ZFPM2: variants seen among roughly 807,000 people sequenced by gnomAD.
ZFPM2 encodes the protein zinc finger protein ZFPM2.
Under a neutral mutation model 98.6 loss-of-function variants are expected in ZFPM2, and 20 were observed. The observed-to-expected ratio is 0.20, with a 90% confidence interval of 0.14 to 0.29. The LOEUF (loss-of-function observed/expected upper bound fraction) is 0.29. ZFPM2 is among the 10% of genes least tolerant of loss of function. The pLI is 1.00. For missense variants in ZFPM2, 1,310 were observed against 1,388.6 expected (o/e 0.94, Z 0.90); for synonymous variants, 518 against 502.7 (o/e 1.03, Z -0.41).
intron 1 of ZFPM2, among the ~76,000 whole-genome samples, chr8:105,416,401 A>C (rs1458124180): frequency 3.3e-5 from 5 of 151,804 alleles, no homozygotes; most frequent in Non-Finnish European, 7.4e-5. Flanking sequence ...CTATGTCTAG[A>C]ATTTCATTTT....
chr8:105,561,509 A>C, intron 4 of ZFPM2, 28 bp downstream of exon 4: 1 of 1,531,636 alleles, frequency 6.5e-7, no homozygotes, highest in South Asian at 1.2e-5. Flanking sequence ...GATGGTTAAT[A>C]TTTTGTCATC....
intron 3 of ZFPM2, among the ~76,000 whole-genome samples, chr8:105,461,168 A>G (rs1165595460): frequency 1.3e-5 from 2 of 152,086 alleles, no homozygotes; most frequent in East Asian, 1.9e-4. Context: ...CATGATTAAT[A>G]TATAGTGGAA....
intron 4 of ZFPM2, among the ~76,000 whole-genome samples, chr8:105,592,721 C>G (rs1443896671): frequency 2.6e-5 from 4 of 152,084 alleles, no homozygotes; most frequent in Admixed American, 2.0e-4. Flanking sequence ...GTGCTATTAT[C>G]ACTGAAATGT....
chr8:105,756,399 T>G (rs1586242216), intron 5 of ZFPM2, among the ~76,000 whole-genome samples: 1 of 152,176 alleles, frequency 6.6e-6, no homozygotes, highest in Admixed American at 6.5e-5. Flanking sequence ...CTGGCTTGGA[T>G]AGCTTTAATG....
intron 3 of ZFPM2, among the ~76,000 whole-genome samples, chr8:105,444,720 T>G (rs1355133232): frequency 6.6e-6 from 1 of 152,132 alleles, no homozygotes; most frequent in Non-Finnish European, 1.5e-5. Context: ...CAAGAAACAG[T>G]ACTTCAAAGA....
At chr8:105,467,375 C>T (rs1463386584) in intron 3 of ZFPM2, among the ~76,000 whole-genome samples, 2 of 152,064 alleles carry the variant, frequency 1.3e-5, no homozygotes, top group African/African-American at 2.4e-5. Context: ...TAAAAGGACA[C>T]ACAAGATACT....
intron 5 of ZFPM2, among the ~76,000 whole-genome samples, chr8:105,724,036 C>A (rs1811739816): frequency 6.6e-6 from 1 of 151,708 alleles, no homozygotes; most frequent in Admixed American, 6.6e-5. Context: ...CCTTTGCTGG[C>A]ATTAAAGTTT....
intron 2 of ZFPM2, among the ~76,000 whole-genome samples, chr8:105,428,204 A>ACT (rs1264273042): frequency 6.6e-6 from 1 of 152,238 alleles, no homozygotes; most frequent in African/African-American, 2.4e-5. Flanking sequence ...CACTTTTTCA[A>ACT]GGTATTTTTT....
rs749962231 is a variant in ZFPM2 at position 105,802,680 on chromosome 8, A to C, written c.2598A>C (p.Val866=). 1 of 1,611,116 alleles carries C rather than the reference A, an allele frequency of 6.2e-7. No homozygotes were observed. The highest frequency in any genetic ancestry group is 1.3e-5 in the African/African-American group (1 of 74,884). The change falls in exon 8 of 8, where the codon GTA becomes GTC. Residue 866 remains valine, a synonymous_variant. Coordinates refer to ENST00000407775, the MANE Select transcript of ZFPM2 (RefSeq NM_012082.4). ...CTVCKISFNK[V]ENYLAHKQNF... Reference sequence around the variant, plus strand: ...TGTGCAAGATCAGTTTCAATAAGGTAGAAAACTATCTGGCCCACAAGCAGA... The same window carrying C: ...TGTGCAAGATCAGTTTCAATAAGGTCGAAAACTATCTGGCCCACAAGCAGA...
chr8:105,525,658 A>T (rs896839449), intron 3 of ZFPM2, among the ~76,000 whole-genome samples: 3 of 152,188 alleles, frequency 2.0e-5, no homozygotes, highest in Non-Finnish European at 4.4e-5. Context: ...GTAAGATTAA[A>T]TTGATTTTGT....
chr8:105,619,984 A>G (rs1469483440), intron 4 of ZFPM2, among the ~76,000 whole-genome samples: 1 of 152,200 alleles, frequency 6.6e-6, no homozygotes, highest in Non-Finnish European at 1.5e-5. Flanking sequence ...TAGTGCTGCA[A>G]TAAATATACG....
chr8:105,362,576 A>G (rs1810425717), intron 1 of ZFPM2, among the ~76,000 whole-genome samples: 1 of 152,116 alleles, frequency 6.6e-6, no homozygotes, highest in African/African-American at 2.4e-5. Context: ...TTTTATTGAC[A>G]TTACTCAAGT....
intron 2 of ZFPM2, among the ~76,000 whole-genome samples, chr8:105,436,481 C>T (rs1812121442): frequency 6.8e-6 from 1 of 147,704 alleles, no homozygotes; most frequent in Middle Eastern, 3.5e-3. Context: ...CATTGCACTC[C>T]AGCCTGGGCA....
At chr8:105,772,393 C>A (rs573587119) in intron 5 of ZFPM2, among the ~76,000 whole-genome samples, 2 of 152,176 alleles carry the variant, frequency 1.3e-5, no homozygotes, top group Admixed American at 6.5e-5. Flanking sequence ...AAATGAAATA[C>A]TGCTAGTTAT....
At chr8:105,331,162 A>C (rs867718620) in intron 1 of ZFPM2, among the ~76,000 whole-genome samples, 16 of 121,946 alleles carry the variant, frequency 1.3e-4, no homozygotes, top group Middle Eastern at 9.0e-3. Context: ...TTATATATAT[A>C]TATTATACAC....
chr8:105,386,092 G>A (rs988912839), intron 1 of ZFPM2, among the ~76,000 whole-genome samples: 1 of 152,102 alleles, frequency 6.6e-6, no homozygotes, highest in Non-Finnish European at 1.5e-5. Context: ...TTCAATAGGT[G>A]CTCAGTAAAA....
At chr8:105,564,282 C>G (rs1262544616) in intron 4 of ZFPM2, among the ~76,000 whole-genome samples, 1 of 151,814 alleles carries the variant, frequency 6.6e-6, no homozygotes, top group African/African-American at 2.4e-5. Flanking sequence ...TTATAGAAAA[C>G]AATTTTAATA....
chr8:105,364,860 T>C (rs1810478318), intron 1 of ZFPM2, among the ~76,000 whole-genome samples: 1 of 152,124 alleles, frequency 6.6e-6, no homozygotes, highest in Admixed American at 6.6e-5. Context: ...CTTTTAACTC[T>C]GAAGGTCTAT....
chr8:105,737,945 G>T (rs574663685), intron 5 of ZFPM2, among the ~76,000 whole-genome samples: 9 of 151,808 alleles, frequency 5.9e-5, no homozygotes, highest in Non-Finnish European at 1.2e-4. Flanking sequence ...CATAAATTTT[G>T]CTATGTTCCA....
Sources: gnomAD v4.1 joint callset for allele counts (sites outside exome capture counted in the v4.1 genomes callset) on GRCh38, gnomAD v4.1.1 for gene constraint, MANE v1.5 for transcripts, NCBI Gene and HGNC (gene_info 2026-07-23, HGNC 2026-07-21) for gene names.